PDE4B: variants seen among roughly 807,000 people sequenced by gnomAD.
PDE4B encodes the protein 3',5'-cyclic-AMP phosphodiesterase 4B.
A neutral mutation model predicts 82.2 loss-of-function variants in PDE4B; 20 were observed. The observed-to-expected ratio is 0.24, with a 90% CI of 0.17 to 0.35. PDE4B has a LOEUF of 0.35. Ranked by LOEUF, PDE4B falls within the 10% of genes least tolerant of loss-of-function variation. PDE4B has a pLI of 1.00. For missense variants in PDE4B, 655 were observed against 907.2 expected, an observed-to-expected ratio of 0.72 and a Z score of 3.57; for synonymous variants, 320 against 318.9, an observed-to-expected ratio of 1.00 and a Z score of -0.04.
At chr1:65,874,533 T>C (rs1309181484) in intron 1 of PDE4B, among the ~76,000 whole-genome samples, 1 of 152,170 alleles carries the variant, frequency 6.6e-6, no homozygotes, top group Non-Finnish European at 1.5e-5. Flanking sequence ...TCACACTACC[T>C]GACTTCAAAC....
chr1:66,065,196 T>C (rs576565527), intron 3 of PDE4B, among the ~76,000 whole-genome samples: 115 of 152,066 alleles, frequency 7.6e-4, no homozygotes, highest in African/African-American at 2.5e-3. Flanking sequence ...AATTAAAGAT[T>C]GAAATCAACT....
At chr1:66,085,616 T>C (rs747649217) in intron 3 of PDE4B, among the ~76,000 whole-genome samples, 3 of 152,042 alleles carry the variant, frequency 2.0e-5, no homozygotes, top group Admixed American at 6.6e-5. Context: ...AAGGGAGATC[T>C]AGAGGGCCCA....
chr1:66,103,821 A>G (rs910833646), intron 3 of PDE4B, among the ~76,000 whole-genome samples: 1 of 152,062 alleles, frequency 6.6e-6, no homozygotes, highest in Non-Finnish European at 1.5e-5. Context: ...ATACTGAATC[A>G]TATGCTCCAT....
At chr1:66,100,056 A>G (rs1240870026) in intron 3 of PDE4B, among the ~76,000 whole-genome samples, 1 of 152,030 alleles carries the variant, frequency 6.6e-6, no homozygotes, top group Non-Finnish European at 1.5e-5. Flanking sequence ...ATACAGACAC[A>G]TATATATGTA....
chr1:66,090,646 C>CGTGTGTGTGTGT (rs1644998490), intron 3 of PDE4B, among the ~76,000 whole-genome samples: 1 of 76,936 alleles, frequency 1.3e-5, no homozygotes, highest in African/African-American at 6.1e-5. Context: ...TGTGTATGTA[C>CGTGTGTGTGTGT]GTATATATAT....
intron 1 of PDE4B, among the ~76,000 whole-genome samples, chr1:65,892,802 T>C (rs1211912270): frequency 1.3e-5 from 2 of 152,110 alleles, no homozygotes; most frequent in Admixed American, 6.6e-5. Context: ...GCATTTCTTC[T>C]TTGGGCATTA....
At chr1:66,243,019 A>G (rs1653004281) in intron 3 of PDE4B, among the ~76,000 whole-genome samples, 2 of 152,250 alleles carry the variant, frequency 1.3e-5, no homozygotes, top group African/African-American at 2.4e-5. Context: ...ACAAGCTGGT[A>G]TAAGAAGGCT....
chr1:66,111,626 T>G (rs1021615981), intron 3 of PDE4B, among the ~76,000 whole-genome samples: 10 of 152,122 alleles, frequency 6.6e-5, no homozygotes, highest in African/African-American at 2.4e-4. Context: ...AATAGTATAT[T>G]TCATTGTATG....
In PDE4B at chr1:66,225,095, C is replaced by T. The variant is rs112862008; in HGVS notation, c.282-22365C>T. On this transcript the variant is annotated intron_variant, in intron 3 of 16. Coordinates refer to ENST00000341517, the MANE Select transcript of PDE4B (RefSeq NM_002600.4). ...AGGACTTTGCACCTGCATCTGTCTCCTCCCTCACCTTGATCATCAATTTCT... is the reference window on the plus strand; with the variant it reads ...AGGACTTTGCACCTGCATCTGTCTCTTCCCTCACCTTGATCATCAATTTCT... Among the ~76,000 whole-genome samples the T allele has an allele frequency of 1.8e-3, 271 of 152,256 alleles. 1 individual carries two copies. The highest frequency in any genetic ancestry group is 6.2e-3 in the African/African-American group (257 of 41,526).
intron 3 of PDE4B, among the ~76,000 whole-genome samples, chr1:66,056,080 T>C (rs1570108082): frequency 6.6e-6 from 1 of 152,256 alleles, no homozygotes; most frequent in East Asian, 1.9e-4. Context: ...ATGTAGGTGA[T>C]GCTTACTTTA....
chr1:66,286,761 C>T (rs1557679926), intron 7 of PDE4B, among the ~76,000 whole-genome samples: 1 of 152,034 alleles, frequency 6.6e-6, no homozygotes, highest in Non-Finnish European at 1.5e-5. Context: ...AGGGAGCTTC[C>T]TTAGGGAGGA....
chr1:66,282,267 GGCAGTGTCTTCCTCTCTTCTAGGAATAA>G (rs1268403324), intron 7 of PDE4B, among the ~76,000 whole-genome samples: 1 of 152,190 alleles, frequency 6.6e-6, no homozygotes, highest in Non-Finnish European at 1.5e-5. Context: ...ATAGGGAGGT[GGCAGTGTCTTCCTCTCTTCTAGGAATAA>G]GTCTCCTTCC....
At chr1:65,794,855 G>A (rs1361892814) in intron 1 of PDE4B, among the ~76,000 whole-genome samples, 1 of 152,182 alleles carries the variant, frequency 6.6e-6, no homozygotes, top group Non-Finnish European at 1.5e-5. Context: ...TCTTGTTACA[G>A]TTGGGAGCTA....
chr1:66,271,070 G>A lies in PDE4B; in HGVS notation c.634+4983G>A, dbSNP rs144129781. Reference sequence around the variant, plus strand: ...GTTTACCCCAGAGCATCAACACTGAGCTGTTTATATTGATTTGCAGTTATT... The same window carrying A: ...GTTTACCCCAGAGCATCAACACTGAACTGTTTATATTGATTTGCAGTTATT... On this transcript the variant is annotated intron_variant, in intron 7 of 16. Transcript: ENST00000341517. 3.1e-3 allele frequency among the ~76,000 whole-genome samples: 473 copies of A among 152,318 alleles called. 1 individual carries two copies. The highest frequency in any genetic ancestry group is 0.011 in the African/African-American group (451 of 41,558).
chr1:66,368,109 C>T (rs1354544216), intron 15 of PDE4B, 44 bp downstream of exon 15: 1 of 1,592,912 alleles, frequency 6.3e-7, no homozygotes, highest in African/African-American at 1.4e-5. Flanking sequence ...CCAAACCAAA[C>T]TAAGCTGAAC....
intron 3 of PDE4B, among the ~76,000 whole-genome samples, chr1:66,120,573 T>C (rs1256287408): frequency 6.6e-6 from 1 of 152,154 alleles, no homozygotes; most frequent in Non-Finnish European, 1.5e-5. Context: ...AATTTTTTAA[T>C]TAAAAAAATT....
At chr1:66,025,026 C>T (rs1653359808) in intron 3 of PDE4B, among the ~76,000 whole-genome samples, 1 of 151,718 alleles carries the variant, frequency 6.6e-6, no homozygotes, top group Non-Finnish European at 1.5e-5. Flanking sequence ...ATACAGTGCC[C>T]TATATAACCC....
intron 3 of PDE4B, among the ~76,000 whole-genome samples, chr1:66,108,632 G>A (rs745502741): frequency 4.6e-5 from 7 of 151,792 alleles, no homozygotes; most frequent in Non-Finnish European, 7.4e-5. Flanking sequence ...AATGGGCAAA[G>A]GACTTGAAAA....
intron 3 of PDE4B, among the ~76,000 whole-genome samples, chr1:66,173,973 G>T (rs1319878886): frequency 6.6e-6 from 1 of 152,162 alleles, no homozygotes; most frequent in African/African-American, 2.4e-5. Flanking sequence ...TTTTGGTAGA[G>T]ATGGGTTTTT....
Sources: allele counts gnomAD v4.1 joint callset (sites outside exome capture counted in the v4.1 genomes callset), GRCh38; gene constraint gnomAD v4.1.1; transcripts MANE v1.5; gene names NCBI Gene and HGNC (gene_info 2026-07-23, HGNC 2026-07-21).